The following CSMD1 variants were observed in gnomAD, a reference collection of about 807,000 sequenced individuals.
CSMD1 encodes CUB and sushi domain-containing protein 1.
A neutral mutation model predicts 417.5 loss-of-function variants in CSMD1; 213 were observed. That is an observed-to-expected ratio of 0.51 (90% CI 0.46 to 0.57). The LOEUF (loss-of-function observed/expected upper bound fraction) is 0.57, where lower values mean the gene tolerates loss of function less well. CSMD1 is among the 20% of genes least tolerant of loss of function. The pLI is 0.00. For synonymous variants in CSMD1, 2,862 were observed against 1,736.8 expected (o/e 1.65, Z -16.11); for missense variants, 6,923 against 4,529.7 (o/e 1.53, Z -15.17).
intron 36 of CSMD1, chr8:3,182,910 G>T (rs1028459272): frequency 7.2e-6 from 1 of 138,372 alleles, no homozygotes; most frequent in Non-Finnish European, 1.5e-5. Context: ...TGTTAGTAGA[G>T]AAGGGGTTGT....
At chr8:4,962,839 T>C (rs879456597) in intron 1 of CSMD1, among the ~76,000 whole-genome samples, 2 of 152,176 alleles carry the variant, frequency 1.3e-5, no homozygotes, top group Non-Finnish European at 2.9e-5. Flanking sequence ...TTTAGACCTC[T>C]TTTGTGCTTG....
intron 1 of CSMD1, 95 bp downstream of exon 1, chr8:4,994,237 C>T (rs1213613627): frequency 7.1e-6 from 8 of 1,132,864 alleles, no homozygotes; most frequent in Non-Finnish European, 1.0e-5. Context: ...GGCGGCCACT[C>T]CGTACCCTGC....
intron 5 of CSMD1, among the ~76,000 whole-genome samples, chr8:3,755,368 G>C (rs1377686939): frequency 6.6e-6 from 1 of 152,194 alleles, no homozygotes; most frequent in Non-Finnish European, 1.5e-5. Flanking sequence ...TGTACCTGAA[G>C]CACATTCTCC....
chr8:4,243,215 C>G (rs1157356022), intron 3 of CSMD1, among the ~76,000 whole-genome samples: 1 of 151,826 alleles, frequency 6.6e-6, no homozygotes, highest in East Asian at 1.9e-4. Context: ...GAGCGATTGG[C>G]TATTAGGAGA....
In CSMD1 at chr8:3,367,014, C is replaced by A. The variant is rs374228313; in HGVS notation, c.3115+18G>T. 6.3e-7 allele frequency: 1 copy of A among 1,594,072 alleles called. No individual in the cohort carries two copies. Among genetic ancestry groups the A allele is most frequent in the Non-Finnish European group, 8.6e-7 (1 of 1,163,496 alleles). ...TATTGTTGCCAGAGGAGAGAAACAG[C>A]AAACAAGACCAACATACCTGAAAAT... On this transcript the variant is annotated intron_variant, in intron 20 of 69. Coordinates refer to ENST00000635120, the MANE Select transcript of CSMD1 (RefSeq NM_033225.6).
At chr8:3,865,256 C>T (rs114925706) in intron 5 of CSMD1, among the ~76,000 whole-genome samples, 3,221 of 152,306 alleles carry the variant, frequency 0.021, 111 homozygotes, top group African/African-American at 0.074. Flanking sequence ...CAAGTAGGGA[C>T]AGTAAGTTAC....
At chr8:3,649,086 T>C (rs945390417) in intron 7 of CSMD1, among the ~76,000 whole-genome samples, 3 of 152,330 alleles carry the variant, frequency 2.0e-5, no homozygotes, top group South Asian at 2.1e-4. Context: ...GGTCTTTCTC[T>C]AGCACTCTGT....
intron 20 of CSMD1, among the ~76,000 whole-genome samples, chr8:3,363,534 T>A (rs1256226065): frequency 6.6e-6 from 1 of 151,938 alleles, no homozygotes; most frequent in Non-Finnish European, 1.5e-5. Context: ...TTTATTTATT[T>A]ATTATTTTTT....
At chr8:3,379,505 A>T (rs1316973452) in intron 18 of CSMD1, among the ~76,000 whole-genome samples, 1 of 152,216 alleles carries the variant, frequency 6.6e-6, no homozygotes, top group African/African-American at 2.4e-5. Flanking sequence ...CTATACTACC[A>T]GGCTACAGTA....
chr8:3,270,918 T>A, intron 26 of CSMD1, among the ~76,000 whole-genome samples: 1 of 138,446 alleles, frequency 7.2e-6, no homozygotes, highest in Non-Finnish European at 1.6e-5. Context: ...TTTCTTTTTT[T>A]TTTTAATTTT....
chr8:4,558,301 C>T (rs918818923), intron 2 of CSMD1, among the ~76,000 whole-genome samples: 2 of 152,158 alleles, frequency 1.3e-5, no homozygotes, highest in Admixed American at 6.5e-5. Context: ...TGGAAGATTT[C>T]CACTTAACCA....
At chr8:3,728,408 T>A (rs556843337) in intron 6 of CSMD1, among the ~76,000 whole-genome samples, 1 of 152,212 alleles carries the variant, frequency 6.6e-6, no homozygotes, top group Non-Finnish European at 1.5e-5. Context: ...ATCAGCAGCA[T>A]GAAAACAGAC....
chr8:3,739,309 G>A (rs547962743), intron 6 of CSMD1, among the ~76,000 whole-genome samples: 27 of 152,302 alleles, frequency 1.8e-4, no homozygotes, highest in Non-Finnish European at 3.2e-4. Context: ...ATTACAGCTA[G>A]ACAGGATGAA....
intron 3 of CSMD1, among the ~76,000 whole-genome samples, chr8:4,215,604 A>G (rs1800620364): frequency 6.6e-6 from 1 of 152,222 alleles, no homozygotes; most frequent in Non-Finnish European, 1.5e-5. Flanking sequence ...GAAATATGCA[A>G]AAACATGTTT....
intron 26 of CSMD1, among the ~76,000 whole-genome samples, chr8:3,269,999 G>T (rs987865279): frequency 2.7e-5 from 4 of 150,808 alleles, no homozygotes; most frequent in Admixed American, 2.0e-4. Context: ...CAACATGCAC[G>T]TAGACATGAA....
intron 5 of CSMD1, among the ~76,000 whole-genome samples, chr8:3,954,791 C>T (rs1158094190): frequency 2.0e-5 from 3 of 151,714 alleles, no homozygotes; most frequent in African/African-American, 4.8e-5. Context: ...GTTACATGCA[C>T]GCAGAGCCTC....
At chr8:4,047,055 A>G (rs1453877779) in intron 3 of CSMD1, among the ~76,000 whole-genome samples, 3 of 152,186 alleles carry the variant, frequency 2.0e-5, no homozygotes, top group African/African-American at 7.2e-5. Context: ...GTCCAAATGA[A>G]TACAGAATTA....
At chr8:3,603,624 G>T (rs1457672187) in intron 8 of CSMD1, among the ~76,000 whole-genome samples, 1 of 152,168 alleles carries the variant, frequency 6.6e-6, no homozygotes, top group East Asian at 1.9e-4. Context: ...AATGGAAACG[G>T]ATTATGTCAC....
At chr8:4,673,695 G>GGGT (rs1430617367) in intron 1 of CSMD1, among the ~76,000 whole-genome samples, 3 of 152,084 alleles carry the variant, frequency 2.0e-5, no homozygotes, top group Non-Finnish European at 4.4e-5. Context: ...TTTCCCCCAA[G>GGGT]AAAACCCACA....
Sources: gnomAD v4.1 joint callset for allele counts (sites outside exome capture counted in the v4.1 genomes callset) on GRCh38, gnomAD v4.1.1 for gene constraint, MANE v1.5 for transcripts, NCBI Gene and HGNC (gene_info 2026-07-23, HGNC 2026-07-21) for gene names.